Variants in OC90 observed in about 807,000 individuals in gnomAD.
OC90 encodes the protein otoconin 90.
OC90 carries 46 observed loss-of-function variants against 47.3 expected under a neutral mutation model. The observed-to-expected ratio is 0.97, with a 90% CI of 0.77 to 1.24. The LOEUF is 1.24. Among genes scored for constraint, OC90 ranks in the 50% most tolerant of loss-of-function variants. The pLI is 0.00. For synonymous variants in OC90, 271 were observed against 219.5 expected (o/e 1.23, Z -2.07); for missense variants, 688 against 583.9 (o/e 1.18, Z -1.84).
At chr8:132,041,342 A>T (rs1027522930) in intron 5 of OC90, among the ~76,000 whole-genome samples, 183 bp downstream of exon 5, 8 of 152,220 alleles carry the variant, frequency 5.3e-5, no homozygotes, top group Admixed American at 2.0e-4. Flanking sequence ...TTAGAGTGAG[A>T]GCTGATCACA....
At chr8:132,049,761 A>G in intron 2 of OC90, 1 of 497,732 alleles carries the variant, frequency 2.0e-6, no homozygotes, top group South Asian at 1.4e-5. Flanking sequence ...TTGAGGTTGC[A>G]TTTCTCAGCT....
At chr8:132,044,310 G>A (rs1464063449) in intron 4 of OC90, 123 bp downstream of exon 4, 2 of 648,910 alleles carry the variant, frequency 3.1e-6, no homozygotes, top group East Asian at 5.4e-5. Context: ...CTCCTTGTTG[G>A]GAGGTAGCTG....
chr8:132,040,043 C>G (rs867613876), intron 6 of OC90, among the ~76,000 whole-genome samples: 8 of 152,376 alleles, frequency 5.3e-5, no homozygotes, highest in Admixed American at 1.3e-4. Context: ...AGAAGATTGT[C>G]TTGCATTGGT....
intron 11 of OC90, 120 bp downstream of exon 11, chr8:132,032,919 A>G: frequency 9.0e-7 from 1 of 1,116,418 alleles, no homozygotes; most frequent in South Asian, 1.6e-5. Context: ...CAGGGGGATG[A>G]TGTCTTCTCA....
intron 2 of OC90, 140 bp downstream of exon 2, chr8:132,054,841 C>T (rs1396027523): frequency 7.4e-6 from 4 of 537,200 alleles, no homozygotes; most frequent in Non-Finnish European, 1.3e-5. Context: ...TATGTTTAAC[C>T]ATCTCAATTT....
chr8:132,034,941 CACTCT>C, intron 9 of OC90, 107 bp from the exon 10 acceptor site: 1 of 741,618 alleles, frequency 1.3e-6, no homozygotes. Context: ...ATGTGCTCTT[CACTCT>C]GCCCCTGGCC....
chr8:132,050,929 G>A (rs111893544), intron 2 of OC90, among the ~76,000 whole-genome samples: 3,806 of 152,208 alleles, frequency 0.025, 137 homozygotes, highest in African/African-American at 0.085. Flanking sequence ...AGGAGGCAGA[G>A]GTCGCAGTGA....
chr8:132,045,915 A>C, intron 2 of OC90, 32 bp from the exon 3 acceptor site: 1 of 1,218,360 alleles, frequency 8.2e-7, no homozygotes, highest in Non-Finnish European at 1.2e-6. Context: ...TAGGGTAAGC[A>C]CAAACACTGA....
At chr8:132,036,328 A>C in intron 9 of OC90, 1 of 780,474 alleles carries the variant, frequency 1.3e-6, no homozygotes, top group Non-Finnish European at 2.4e-6. Flanking sequence ...ATATTTCTCC[A>C]CTGGATTCCA....
chr8:132,036,372 T>C (rs7461611), intron 9 of OC90: 566,696 of 780,520 alleles, frequency 0.73, 206,432 homozygotes, highest in Admixed American at 0.77. Context: ...TCTGCTTACT[T>C]TTCTTGGAGA....
chr8:132,034,410 C>T (rs1822923058), intron 10 of OC90, among the ~76,000 whole-genome samples: 1 of 152,190 alleles, frequency 6.6e-6, no homozygotes, highest in African/African-American at 2.4e-5. Context: ...TACATCTAAT[C>T]CAGGATTAAG....
At chr8:132,032,419 C>T (rs188580178) in intron 11 of OC90, among the ~76,000 whole-genome samples, 4 of 152,224 alleles carry the variant, frequency 2.6e-5, no homozygotes, top group South Asian at 2.1e-4. Flanking sequence ...GGTTTCTGGT[C>T]GCATCAGGTT....
At chr8:132,036,631 C>A (rs1822968997) in intron 9 of OC90, among the ~76,000 whole-genome samples, 1 of 152,180 alleles carries the variant, frequency 6.6e-6, no homozygotes, top group African/African-American at 2.4e-5. Context: ...CAAAGACCGG[C>A]AAATGCCATC....
At chr8:132,037,713 A>T (rs1822990980) in intron 8 of OC90, among the ~76,000 whole-genome samples, 1 of 152,214 alleles carries the variant, frequency 6.6e-6, no homozygotes, top group East Asian at 1.9e-4. Flanking sequence ...GAGGGAGCAC[A>T]GCCACAGCTG....
At chr8:132,043,764 T>C (rs951156168) in intron 4 of OC90, among the ~76,000 whole-genome samples, 1 of 152,260 alleles carries the variant, frequency 6.6e-6, no homozygotes, top group Admixed American at 6.5e-5. Flanking sequence ...TGTGTGTATT[T>C]ATGTAAATAT....
In OC90 at chr8:132,041,737, A is replaced by AACTAGGACTAGG. The variant is rs779808812; in HGVS notation, c.170-50_170-39dup. The AACTAGGACTAGG allele has an allele frequency of 8.8e-6, 12 of 1,358,660 alleles. 1 individual carries two copies. Among genetic ancestry groups the AACTAGGACTAGG allele is most frequent in the Admixed American group, 1.8e-5 (1 of 56,078 alleles). The allele number at this position is 1,358,660 out of a possible 1,614,324, so 84.2% of individuals were successfully genotyped here. A position where few individuals can be genotyped will look rare whatever the true frequency, so the allele number is the denominator to read the frequency against. Reference sequence around the variant, plus strand: ...GGGGCAGGGCCTGATAAGCACTGGGAACTAGGACTAGGAGGGCGTCCCTGT... The same window carrying AACTAGGACTAGG: ...GGGGCAGGGCCTGATAAGCACTGGGAACTAGGACTAGGACTAGGACTAGGAGGGCGTCCCTGT... On this transcript the variant is annotated intron_variant, in intron 4 of 13. Transcript: ENST00000254627.
intron 11 of OC90, among the ~76,000 whole-genome samples, chr8:132,032,280 G>A (rs990049449): frequency 6.6e-6 from 1 of 152,122 alleles, no homozygotes; most frequent in African/African-American, 2.4e-5. Flanking sequence ...GGCTTCTAAT[G>A]CTCTATAAGA....
chr8:132,035,069 G>A (rs1278370515), intron 9 of OC90, among the ~76,000 whole-genome samples: 1 of 152,226 alleles, frequency 6.6e-6, no homozygotes, highest in Non-Finnish European at 1.5e-5. Flanking sequence ...AGCTTGTCAG[G>A]CTGGAAGCAA....
chr8:132,031,860 G>T, intron 12 of OC90, 21 bp downstream of exon 12: 1 of 1,609,802 alleles, frequency 6.2e-7, no homozygotes, highest in Non-Finnish European at 8.5e-7. Context: ...CACCAGAGCT[G>T]TCACCGCTGG....
Sources: allele counts gnomAD v4.1 joint callset (sites outside exome capture counted in the v4.1 genomes callset), GRCh38; gene constraint gnomAD v4.1.1; transcripts MANE v1.5; gene names NCBI Gene and HGNC (gene_info 2026-07-23, HGNC 2026-07-21).